Variants in TMPRSS15 observed in about 807,000 individuals in gnomAD.
The protein encoded by TMPRSS15 is transmembrane serine protease 15, also known as enteropeptidase.
Under a neutral mutation model 125.3 loss-of-function variants are expected in TMPRSS15, and 128 were observed. The ratio of observed to expected loss-of-function variants is 1.02; its 90% CI spans 0.89 to 1.18. TMPRSS15 has a LOEUF of 1.18. Among genes scored for constraint, TMPRSS15 ranks in the 50% most tolerant of loss-of-function variants. The pLI, the probability that TMPRSS15 is intolerant of heterozygous loss-of-function variation, is 0.00. For missense variants in TMPRSS15, 1,283 were observed against 1,212.7 expected (o/e 1.06, Z -0.86); for synonymous variants, 446 against 423.2 (o/e 1.05, Z -0.66).
At chr21:18,485,284 CTCTT>C (rs1031460890) in intron 1 of TMPRSS15, among the ~76,000 whole-genome samples, 9 of 151,714 alleles carry the variant, frequency 5.9e-5, no homozygotes, top group African/African-American at 1.7e-4. Context: ...TAATTTTTTC[CTCTT>C]TATTTCAATC....
intron 1 of TMPRSS15, among the ~76,000 whole-genome samples, chr21:18,485,605 T>C (rs1979064221): frequency 6.6e-6 from 1 of 152,104 alleles, no homozygotes; most frequent in Non-Finnish European, 1.5e-5. Flanking sequence ...TTACATAGTT[T>C]CTCTTCTTTA....
chr21:18,305,485 G>C (rs1400776487), intron 18 of TMPRSS15, among the ~76,000 whole-genome samples: 2 of 152,160 alleles, frequency 1.3e-5, no homozygotes. Context: ...ACCACGCCCG[G>C]CCCCTTGAAT....
rs267606083 is a variant in TMPRSS15 at position 18,343,541 on chromosome 21, C to T, written c.1393G>A (p.Gly465Arg). 2.5e-6 allele frequency: 4 copies of T among 1,612,840 alleles called. No individual in the cohort carries two copies. Among genetic ancestry groups the T allele is most frequent in the Non-Finnish European group, 1.7e-6 (2 of 1,179,094 alleles). Residue 465 changes from glycine to arginine, a missense_variant, in exon 12 of 25, where the codon GGA (glycine) becomes AGA (arginine). Gly to Arg is a moderately radical substitution (Grantham distance 125, BLOSUM62 -2). Transcript: ENST00000284885. ...ACTGTTTCATTTAGGGTTACTTGTC[C>T]ATAATTCCAATTGTCTCCATAATTT... ...EGNYGDNWNY[G>R]QVTLNETVKF...
intron 1 of TMPRSS15, among the ~76,000 whole-genome samples, chr21:18,483,193 T>C (rs1017271503): frequency 2.6e-5 from 4 of 152,058 alleles, no homozygotes; most frequent in African/African-American, 9.6e-5. Context: ...TTCTAATGTA[T>C]ATTTTCCTTT....
At chr21:18,417,623 T>C (rs2076183299) in intron 1 of TMPRSS15, among the ~76,000 whole-genome samples, 1 of 152,176 alleles carries the variant, frequency 6.6e-6, no homozygotes, top group Admixed American at 6.6e-5. Context: ...TCAATAACCG[T>C]GTGATAAAAA....
intron 1 of TMPRSS15, among the ~76,000 whole-genome samples, chr21:18,474,817 T>C (rs1378410077): frequency 6.6e-6 from 1 of 152,194 alleles, no homozygotes; most frequent in Non-Finnish European, 1.5e-5. Flanking sequence ...CTAGTCTGAC[T>C]GAGGCTACAC....
chr21:18,323,407 C>T (rs531572830), intron 16 of TMPRSS15, among the ~76,000 whole-genome samples: 156 of 152,224 alleles, frequency 1.0e-3, no homozygotes, highest in African/African-American at 3.6e-3. Context: ...CAGGGAAACT[C>T]CTTTTTATAA....
chr21:18,392,127 T>C (rs2075996033), intron 3 of TMPRSS15, among the ~76,000 whole-genome samples: 3 of 152,330 alleles, frequency 2.0e-5, no homozygotes, highest in Middle Eastern at 3.4e-3. Context: ...AACTCTGACA[T>C]GCCACGGAGA....
rs962563962 is a variant in TMPRSS15, at chr21:18,420,751, T to C, written c.11-22422A>G. Among the ~76,000 whole-genome samples the C allele has an allele frequency of 5.9e-5, 9 of 152,276 alleles. No homozygotes were observed. In the Middle Eastern group the frequency reaches 0.01, roughly 173 times the overall value. ...ATGATACTGCCTGCGAGATTCACAA[T>C]GTAGATGTCACTTTGGCTCTACTCA... On this transcript the variant is annotated intron_variant, in intron 1 of 7. Transcript: ENST00000422787.
intron 3 of TMPRSS15, among the ~76,000 whole-genome samples, chr21:18,387,060 A>G (rs1361076053): frequency 6.6e-6 from 1 of 152,208 alleles, no homozygotes; most frequent in African/African-American, 2.4e-5. Flanking sequence ...ATATCCACAT[A>G]AAGTTGTAGC....
At chr21:18,416,622 C>G (rs950899573) in intron 1 of TMPRSS15, among the ~76,000 whole-genome samples, 3 of 151,948 alleles carry the variant, frequency 2.0e-5, no homozygotes, top group African/African-American at 7.2e-5. Context: ...TTTTGAAATT[C>G]TAATACTTAG....
chr21:18,463,418 A>G (rs1978591669), intron 1 of TMPRSS15, among the ~76,000 whole-genome samples: 1 of 152,070 alleles, frequency 6.6e-6, no homozygotes, highest in Admixed American at 6.6e-5. Flanking sequence ...CTAACTATAT[A>G]TACACCCAAT....
intron 18 of TMPRSS15, among the ~76,000 whole-genome samples, chr21:18,302,626 C>T (rs1352219354): frequency 1.3e-5 from 2 of 152,124 alleles, no homozygotes; most frequent in African/African-American, 2.4e-5. Flanking sequence ...TTATCTTAAC[C>T]TAATCAATTT....
At chr21:18,407,446 T>C (rs2076155095), upstream of TMPRSS15, among the ~76,000 whole-genome samples, 1 of 119,030 alleles carries the variant, frequency 8.4e-6, no homozygotes, top group Admixed American at 9.2e-5. Context: ...TTTTTTTCTT[T>C]TCTTTTTTTT....
At chr21:18,272,201 A>T (rs1210185832) in intron 24 of TMPRSS15, among the ~76,000 whole-genome samples, 1 of 152,160 alleles carries the variant, frequency 6.6e-6, no homozygotes, top group Non-Finnish European at 1.5e-5. Flanking sequence ...AAGTGTTCCT[A>T]GTTCTTCACA....
chr21:18,291,844 T>C (rs1007326039), intron 21 of TMPRSS15, among the ~76,000 whole-genome samples: 3 of 152,228 alleles, frequency 2.0e-5, no homozygotes, highest in Non-Finnish European at 4.4e-5. Flanking sequence ...TAGTACAACT[T>C]ACCTTTGCTT....
intron 10 of TMPRSS15, among the ~76,000 whole-genome samples, chr21:18,352,074 G>GTT (rs147684081): frequency 0.67 from 101,446 of 151,382 alleles, 34,173 homozygotes; most frequent in Middle Eastern, 0.8. Context: ...ACTTTTCACT[G>GTT]TTTTTTTGTA....
intron 17 of TMPRSS15, 31 bp from the exon 18 acceptor site, chr21:18,313,108 C>A (rs747069529): frequency 5.9e-6 from 9 of 1,515,258 alleles, no homozygotes; most frequent in Admixed American, 1.7e-5. Context: ...ATGGTAGTTA[C>A]CAGAGACTGA....
intron 23 of TMPRSS15, among the ~76,000 whole-genome samples, chr21:18,277,722 C>G (rs2074638780): frequency 6.6e-6 from 1 of 152,172 alleles, no homozygotes; most frequent in South Asian, 2.1e-4. Context: ...TACCTTTCCA[C>G]AAGATTTTCT....
Sources: gnomAD v4.1 joint callset for allele counts (sites outside exome capture counted in the v4.1 genomes callset) on GRCh38, gnomAD v4.1.1 for gene constraint, MANE v1.5 for transcripts, NCBI Gene and HGNC (gene_info 2026-07-23, HGNC 2026-07-21) for gene names.